SGCZ: variants seen among roughly 807,000 people sequenced by gnomAD.
SGCZ encodes zeta-sarcoglycan.
In SGCZ, 40 loss-of-function variants were observed where a neutral mutation model predicts 41.3. The ratio of observed to expected loss-of-function variants is 0.97; its 90% CI spans 0.75 to 1.26. The LOEUF is 1.26. Among genes scored for constraint, SGCZ ranks in the 50% most tolerant of loss-of-function variants. The pLI is 0.00. For missense variants in SGCZ, 552 were observed against 369.8 expected (o/e 1.49, Z -4.04); for synonymous variants, 206 against 137.5 (o/e 1.50, Z -3.49).
At chr8:15,169,011 T>C (rs1004392095) in intron 1 of SGCZ, among the ~76,000 whole-genome samples, 1 of 152,206 alleles carries the variant, frequency 6.6e-6, no homozygotes, top group African/African-American at 2.4e-5. Flanking sequence ...ACCCCTTGCC[T>C]TGTTTTGTTT....
chr8:14,420,921 T>C (rs1159043828), intron 2 of SGCZ, among the ~76,000 whole-genome samples: 1 of 152,194 alleles, frequency 6.6e-6, no homozygotes, highest in African/African-American at 2.4e-5. Context: ...AAATGGCCTG[T>C]AGATGTTCCT....
intron 2 of SGCZ, among the ~76,000 whole-genome samples, chr8:14,385,171 G>C (rs1804528128): frequency 6.6e-6 from 1 of 152,044 alleles, no homozygotes; most frequent in South Asian, 2.1e-4. Flanking sequence ...GGGATTTCAA[G>C]CTCTCTTCAT....
chr8:14,496,520 T>A (rs1309467914), intron 2 of SGCZ, among the ~76,000 whole-genome samples: 1 of 152,152 alleles, frequency 6.6e-6, no homozygotes, highest in African/African-American at 2.4e-5. Context: ...TTCATCAAAC[T>A]ATCCAAGCTA....
chr8:14,302,463 C>T (rs1452376853), intron 3 of SGCZ, among the ~76,000 whole-genome samples: 1 of 152,046 alleles, frequency 6.6e-6, no homozygotes, highest in East Asian at 1.9e-4. Flanking sequence ...CTTTAATTTT[C>T]CTACTTCTCT....
chr8:15,167,202 G>C (rs1345778635), intron 1 of SGCZ, among the ~76,000 whole-genome samples: 1 of 152,208 alleles, frequency 6.6e-6, no homozygotes, highest in African/African-American at 2.4e-5. Context: ...AGTGCAATAA[G>C]AATCCATTTT....
chr8:14,246,218 C>A (rs1024620624), intron 3 of SGCZ, among the ~76,000 whole-genome samples: 3 of 152,108 alleles, frequency 2.0e-5, no homozygotes, highest in Non-Finnish European at 4.4e-5. Context: ...CAATGATAGA[C>A]TGGATTAAGA....
intron 1 of SGCZ, among the ~76,000 whole-genome samples, chr8:15,222,107 A>C (rs1456581388): frequency 2.6e-5 from 4 of 152,248 alleles, no homozygotes; most frequent in African/African-American, 9.6e-5. Context: ...GAAAGCATTT[A>C]AAAGAGAATC....
At chr8:14,470,297 T>C (rs1396600462) in intron 2 of SGCZ, among the ~76,000 whole-genome samples, 1 of 152,174 alleles carries the variant, frequency 6.6e-6, no homozygotes, top group Non-Finnish European at 1.5e-5. Context: ...ATTTCTTTGT[T>C]TTCTCCTCAC....
intron 2 of SGCZ, among the ~76,000 whole-genome samples, chr8:14,388,699 T>G (rs565369740): frequency 6.6e-6 from 1 of 152,112 alleles, no homozygotes; most frequent in Non-Finnish European, 1.5e-5. Flanking sequence ...TGGCAAATCC[T>G]TGAAGATGAA....
intron 2 of SGCZ, among the ~76,000 whole-genome samples, chr8:14,378,504 G>A (rs939402860): frequency 6.6e-6 from 1 of 152,110 alleles, no homozygotes; most frequent in Non-Finnish European, 1.5e-5. Context: ...CCTACAAAAT[G>A]GGGGAAAATT....
chr8:14,883,775 T>A (rs1420544859), intron 1 of SGCZ, among the ~76,000 whole-genome samples: 1 of 141,132 alleles, frequency 7.1e-6, no homozygotes. Flanking sequence ...GGCATCCTGT[T>A]GTTTTTTTTT....
intron 1 of SGCZ, among the ~76,000 whole-genome samples, chr8:15,060,393 A>G (rs1320292305): frequency 1.3e-5 from 2 of 151,774 alleles, no homozygotes; most frequent in African/African-American, 4.8e-5. Flanking sequence ...GCTGGAAACC[A>G]TCATTCTCAG....
At chr8:15,222,605 C>A (rs1219427481) in intron 1 of SGCZ, among the ~76,000 whole-genome samples, 1 of 152,100 alleles carries the variant, frequency 6.6e-6, no homozygotes, top group Non-Finnish European at 1.5e-5. Context: ...TATTTTAGCA[C>A]CTTCATTTTG....
At chr8:15,118,960 G>C (rs1176715447) in intron 1 of SGCZ, among the ~76,000 whole-genome samples, 1 of 152,124 alleles carries the variant, frequency 6.6e-6, no homozygotes, top group Non-Finnish European at 1.5e-5. Flanking sequence ...TCTCGACATA[G>C]GTTTTCTAAA....
intron 1 of SGCZ, among the ~76,000 whole-genome samples, chr8:14,812,992 A>G (rs1431510834): frequency 6.6e-6 from 1 of 152,180 alleles, no homozygotes; most frequent in Non-Finnish European, 1.5e-5. Flanking sequence ...CCTGGATGTT[A>G]TATCTCAGTA....
At chr8:14,437,198 A>T (rs1284479735) in intron 2 of SGCZ, among the ~76,000 whole-genome samples, 1 of 152,178 alleles carries the variant, frequency 6.6e-6, no homozygotes, top group African/African-American at 2.4e-5. Context: ...CAAAATCATG[A>T]TTATGCAATG....
At chr8:14,346,787 T>C (rs1802904231) in intron 2 of SGCZ, among the ~76,000 whole-genome samples, 1 of 152,046 alleles carries the variant, frequency 6.6e-6, no homozygotes, top group Non-Finnish European at 1.5e-5. Context: ...ACAATTGCAT[T>C]TTATCCTTCT....
rs1225452675 is a variant in SGCZ at position 14,865,071 on chromosome 8, C to CAT, written c.40-310147_40-310146dup. ...CTTGTCAGATTTGTGTGTGTACACA[C>CAT]ATATATATATTCATAATATATAATT... is the stretch of plus-strand genomic sequence containing the variant. On this transcript the variant is annotated intron_variant, in intron 1 of 7. Transcript: ENST00000382080. 1.1e-4 allele frequency among the ~76,000 whole-genome samples: 16 copies of CAT among 152,120 alleles called. No individual in the cohort carries two copies. The East Asian group carries it at 2.7e-3, about 26-fold the overall frequency.
At chr8:14,803,420 C>T (rs1007335819) in intron 1 of SGCZ, among the ~76,000 whole-genome samples, 17 of 152,238 alleles carry the variant, frequency 1.1e-4, no homozygotes, top group Admixed American at 3.3e-4. Context: ...ACTCGGGAAT[C>T]GCAAGGGGTC....
Sources: allele counts gnomAD v4.1 joint callset (sites outside exome capture counted in the v4.1 genomes callset), GRCh38; gene constraint gnomAD v4.1.1; transcripts MANE v1.5; gene names NCBI Gene and HGNC (gene_info 2026-07-23, HGNC 2026-07-21).